Variants in OR4D9 observed in about 807,000 individuals in gnomAD.
OR4D9 encodes olfactory receptor 4D9.
Under a neutral mutation model 0.8 loss-of-function variants are expected in OR4D9, and 2 were observed. That is an observed-to-expected ratio of 2.58 (90% confidence interval 1.06 to 8.13). The LOEUF is 8.13. OR4D9 is among the 30% of genes most tolerant of loss of function. The probability of loss-of-function intolerance (pLI) is 0.04; values close to 1 mark genes in which losing one functional copy is unlikely to be tolerated. For synonymous variants in OR4D9, 146 were observed against 151.2 expected (o/e 0.97, Z 0.25); for missense variants, 399 against 384.7 (o/e 1.04, Z -0.31).
chr11:59,511,546 C>CATTAAA lies in OR4D9; in HGVS notation c.-325_-324insATTAAA, dbSNP rs1859328187. The CATTAAA allele has an allele frequency of 1.3e-5, 2 of 152,130 alleles. No homozygotes were observed. The highest frequency in any genetic ancestry group is 2.9e-5 in the Non-Finnish European group (2 of 68,006). The allele number at this position is 152,130 out of a possible 1,614,324, so 9.4% of individuals were successfully genotyped here. A position where few individuals can be genotyped will look rare whatever the true frequency, so the allele number is the denominator to read the frequency against. ...AGGCTTTACATTAAACAGAGAATTTCCCCAGTACCTACTTCTTCTAAAATG... is the reference window on the plus strand; with the variant it reads ...AGGCTTTACATTAAACAGAGAATTTCATTAAACCCAGTACCTACTTCTTCTAAAATG... On this transcript the variant is annotated 5_prime_UTR_variant, in exon 1 of 3. Transcript: ENST00000641962.
chr11:59,511,812 C>T (rs1859331290), intron 1 of OR4D9, 66 bp downstream of exon 1: 2 of 152,118 alleles, frequency 1.3e-5, no homozygotes, highest in South Asian at 4.1e-4. Flanking sequence ...GGTCAGTTGG[C>T]TTGGCTGTGT....
rs1026768214 is a variant in OR4D9, at chr11:59,518,417, C to G, written c.*2560C>G. 1 of 152,252 alleles carries G rather than the reference C, an allele frequency of 6.6e-6. No homozygotes were observed. The highest frequency in any genetic ancestry group is 2.4e-5 in the African/African-American group (1 of 41,462). The allele number at this position is 152,252 out of a possible 1,614,324, so 9.4% of individuals were successfully genotyped here. A position where few individuals can be genotyped will look rare whatever the true frequency, so the allele number is the denominator to read the frequency against. ...CTTCTCCCGTCTTGGGCTCCACATT[C>G]TCTAGATCCTCAGAATCCTGTCCAT... On this transcript the variant is annotated 3_prime_UTR_variant, in exon 3 of 3. Transcript: ENST00000641962.
intron 1 of OR4D9, among the ~76,000 whole-genome samples, chr11:59,512,566 G>GTAATCTCA (rs1212717924): frequency 6.6e-6 from 1 of 151,598 alleles, no homozygotes; most frequent in Non-Finnish European, 1.5e-5. Context: ...GCCCATGCCT[G>GTAATCTCA]TAATCTCAGC....
Position 59,515,541 on chromosome 11 carries a change from T to A in OR4D9, c.629T>A (p.Val210Glu), listed in dbSNP as rs1226818786. The A allele has an allele frequency of 6.2e-7, 1 of 1,614,058 alleles. No individual in the cohort carries two copies. The highest frequency in any genetic ancestry group is 8.5e-7 in the Non-Finnish European group (1 of 1,180,040). Residue 210 changes from valine (V) to glutamate (E), a missense_variant, in exon 3 of 3, where the codon GTA becomes GAA. By Grantham distance (121) the Val-to-Glu change is moderately radical. Transcript: ENST00000641962. Reference protein sequence around the residue: ...ISNNGLVSWFVFFFLLISYTV... With the variant: ...ISNNGLVSWFEFFFLLISYTV... ...AATAATGGGTTAGTCAGTTGGTTTGTATTCTTCTTTCTCCTCATATCTTAC... is the reference window on the plus strand; with the variant it reads ...AATAATGGGTTAGTCAGTTGGTTTGAATTCTTCTTTCTCCTCATATCTTAC...
rs1322590361 is a variant in OR4D9, at chr11:59,516,598, G to C, written c.*741G>C. 1 of 152,212 alleles carries C rather than the reference G, an allele frequency of 6.6e-6. No individual in the cohort carries two copies. The highest frequency in any genetic ancestry group is 1.5e-5 in the Non-Finnish European group (1 of 68,076). 9.4% of individuals were successfully genotyped at this position (152,212 alleles called of 1,614,324 possible). A position where few individuals can be genotyped will look rare whatever the true frequency, so the allele number is the denominator to read the frequency against. On this transcript the variant is annotated 3_prime_UTR_variant, in exon 3 of 3. Coordinates refer to ENST00000641962, the MANE Select transcript of OR4D9 (RefSeq NM_001004711.2). ...TAACAGCCAGTAGACATTTTCAAGG[G>C]GAAAAAGATCAGAAAAGAACAATCC...
chr11:59,513,792 G>C (rs1360144049), intron 1 of OR4D9, among the ~76,000 whole-genome samples: 1 of 151,826 alleles, frequency 6.6e-6, no homozygotes, highest in Non-Finnish European at 1.5e-5. Flanking sequence ...AATTATTCCA[G>C]CATAAAAAAA....
chr11:59,515,978 A>T lies in OR4D9; in HGVS notation c.*121A>T. The T allele has an allele frequency of 2.7e-6, 2 of 727,522 alleles. No individual in the cohort carries two copies. The highest frequency in any genetic ancestry group is 4.4e-6 in the Non-Finnish European group (2 of 453,888). The allele number at this position is 727,522 out of a possible 1,614,324, so 45.1% of individuals were successfully genotyped here. On this transcript the variant is annotated 3_prime_UTR_variant, in exon 3 of 3. Coordinates refer to ENST00000641962, the MANE Select transcript of OR4D9 (RefSeq NM_001004711.2). ...ATGGCCACCATCGAGTCCTAAAAGAAGTTATTCCATCATATATGTTGGGGA... is the reference window on the plus strand; with the variant it reads ...ATGGCCACCATCGAGTCCTAAAAGATGTTATTCCATCATATATGTTGGGGA...
At position 59,515,554 on chromosome 11, in the gene OR4D9, C is replaced by G; in HGVS notation, c.642C>G (p.Leu214=). 6.2e-7 allele frequency: 1 copy of G among 1,614,212 alleles called. No individual in the cohort carries two copies. The part of the protein sequence containing the change: ...GLVSWFVFFF[L]LISYTVILMM... ...TCAGTTGGTTTGTATTCTTCTTTCT[C>G]CTCATATCTTACACGGTCATCTTGA... Residue 214 remains leucine (L), a synonymous_variant, in exon 3 of 3, where the codon CTC becomes CTG. Transcript: ENST00000641962.
rs1266412624 is a variant in OR4D9, at chr11:59,517,574, G to T, written c.*1717G>T. On this transcript the variant is annotated 3_prime_UTR_variant, in exon 3 of 3. Transcript: ENST00000641962. Reference sequence around the variant, plus strand: ...TTGCCGGGCGCAGTGGCTCACGCCTGTAATCCCAGCACTTTGGGAGGCTGA... The same window carrying T: ...TTGCCGGGCGCAGTGGCTCACGCCTTTAATCCCAGCACTTTGGGAGGCTGA... 1 of 152,244 alleles carries T rather than the reference G, an allele frequency of 6.6e-6. No individual in the cohort carries two copies. The highest frequency in any genetic ancestry group is 1.5e-5 in the Non-Finnish European group (1 of 68,074). 9.4% of individuals were successfully genotyped at this position (152,244 alleles called of 1,614,324 possible).
At chr11:59,512,031 C>T (rs757031296) in intron 1 of OR4D9, among the ~76,000 whole-genome samples, 1 of 152,062 alleles carries the variant, frequency 6.6e-6, no homozygotes, top group African/African-American at 2.4e-5. Context: ...ATTATCTGTG[C>T]CTTCATGTAC....
Position 59,515,584 on chromosome 11 carries a change from G to C in OR4D9, c.672G>C (p.Met224Ile). 6.2e-7 allele frequency: 1 copy of C among 1,614,114 alleles called. No homozygotes were observed. The highest frequency in any genetic ancestry group is 8.5e-7 in the Non-Finnish European group (1 of 1,180,022). Reference protein sequence around the residue: ...LLISYTVILMMLRSHTGEGRR... With the variant: ...LLISYTVILMILRSHTGEGRR... Reference sequence around the variant, plus strand: ...TATCTTACACGGTCATCTTGATGATGCTGAGGTCTCACACTGGGGAAGGCA... The same window carrying C: ...TATCTTACACGGTCATCTTGATGATCCTGAGGTCTCACACTGGGGAAGGCA... Residue 224 changes from methionine to isoleucine, a missense_variant, in exon 3 of 3, where the codon ATG becomes ATC. Physicochemically the swap from Met to Ile is conservative, Grantham distance 10 (BLOSUM62 1). Transcript: ENST00000641962.
rs1859443768 is a variant in OR4D9, at chr11:59,519,243, C to T, written c.*3386C>T. 1 of 151,914 alleles carries T rather than the reference C, an allele frequency of 6.6e-6. No homozygotes were observed. Among genetic ancestry groups the T allele is most frequent in the Non-Finnish European group, 1.5e-5 (1 of 68,078 alleles). The allele number at this position is 151,914 out of a possible 1,614,324, so 9.4% of individuals were successfully genotyped here. ...TGGCACACGCCTGTAGTCCTAGCTA[C>T]TCAGGAGACTGAGCTGGGAGGATCA... On this transcript the variant is annotated 3_prime_UTR_variant, in exon 3 of 3. Transcript: ENST00000641962.
Position 59,515,315 on chromosome 11 carries a change from A to G in OR4D9, c.403A>G (p.Ile135Val). Residue 135 changes from isoleucine (I) to valine (V), a missense_variant, in exon 3 of 3, where the codon ATC becomes GTC. Coordinates refer to ENST00000641962, the MANE Select transcript of OR4D9 (RefSeq NM_001004711.2). Reference protein sequence around the residue: ...AISKPLHYMTIMSRGRCTGLI... With the variant: ...AISKPLHYMTVMSRGRCTGLI... ...CTCCAAGCCCCTGCACTATATGACC[A>G]TCATGAGTAGGGGGCGATGCACAGG... 1 of 1,613,404 alleles carries G rather than the reference A, an allele frequency of 6.2e-7. No individual in the cohort carries two copies. The highest frequency in any genetic ancestry group is 8.5e-7 in the Non-Finnish European group (1 of 1,179,750).
rs749963816 is a variant in OR4D9, at chr11:59,515,498, G to T, written c.586G>T (p.Glu196Ter). The T allele has an allele frequency of 3.7e-6, 6 of 1,614,100 alleles. No homozygotes were observed. The South Asian group carries it at 6.6e-5, about 18-fold the overall frequency. ...KLACTDTFTL[E>*]LLMISNNGLV... ...TGCCTGCACTGACACCTTCACTCTGGAGCTCCTGATGATTTCAAATAATGG... is the reference window on the plus strand; with the variant it reads ...TGCCTGCACTGACACCTTCACTCTGTAGCTCCTGATGATTTCAAATAATGG... Residue 196 changes from glutamate to a stop codon, truncating the protein, a stop_gained, in exon 3 of 3, where the codon GAG (glutamate) becomes TAG (stop). Coordinates refer to ENST00000641962, the MANE Select transcript of OR4D9 (RefSeq NM_001004711.2). LOFTEE classifies it low-confidence loss of function (END_TRUNC).
chr11:59,515,527 AG>A lies in OR4D9; in HGVS notation c.616del (p.Val206SerfsTer17). 1 of 1,614,138 alleles carries A rather than the reference AG, an allele frequency of 6.2e-7. No homozygotes were observed. The highest frequency in any genetic ancestry group is 2.2e-5 in the East Asian group (1 of 44,878). On this transcript the variant is annotated frameshift_variant, in exon 3 of 3. Coordinates refer to ENST00000641962, the MANE Select transcript of OR4D9 (RefSeq NM_001004711.2). LOFTEE classifies it low-confidence loss of function (END_TRUNC). ...TCCTGATGATTTCAAATAATGGGTTAGTCAGTTGGTTTGTATTCTTCTTTCT... is the reference window on the plus strand; with the variant it reads ...TCCTGATGATTTCAAATAATGGGTTATCAGTTGGTTTGTATTCTTCTTTCT... Reference protein sequence around the residue: ...ELLMISNNGLVSWFVFFFLLI... With the variant: ...ELLMISNNGLXSWFVFFFLLI...
At chr11:59,512,655 CT>C (rs1179446879) in intron 1 of OR4D9, among the ~76,000 whole-genome samples, 1 of 115,988 alleles carries the variant, frequency 8.6e-6, no homozygotes. Context: ...GAAACTCAGT[CT>C]TTTTGTAAAA....
Position 59,515,426 on chromosome 11 carries a change from A to C in OR4D9, c.514A>C (p.Asn172His). Residue 172 changes from asparagine to histidine, a missense_variant, in exon 3 of 3, where the codon AAT (asparagine) becomes CAT (histidine). Coordinates refer to ENST00000641962, the MANE Select transcript of OR4D9 (RefSeq NM_001004711.2). ...GCTCCCACTCCCTTTCTGTGGACCC[A>C]ATGTTCTTGACACTTTCTACTGCGA... ...LLLPLPFCGP[N>H]VLDTFYCDVP... The C allele has an allele frequency of 6.2e-7, 1 of 1,613,964 alleles. No individual in the cohort carries two copies. Among genetic ancestry groups the C allele is most frequent in the Non-Finnish European group, 8.5e-7 (1 of 1,179,896 alleles).
At chr11:59,514,210 A>G (rs1416255416) in intron 1 of OR4D9, among the ~76,000 whole-genome samples, 1 of 152,246 alleles carries the variant, frequency 6.6e-6, no homozygotes, top group African/African-American at 2.4e-5. Flanking sequence ...CAAAGTGGTT[A>G]TACCAATTTT....
In OR4D9 at chr11:59,518,701, T is replaced by A. The variant is rs1400866344; in HGVS notation, c.*2844T>A. On this transcript the variant is annotated 3_prime_UTR_variant, in exon 3 of 3. Transcript: ENST00000641962. ...CTCACCTGAACATGCTCATGCTGTC[T>A]TATGCTCCACAGTCTCTAGATCCTC... The A allele has an allele frequency of 6.6e-6, 1 of 152,194 alleles. No homozygotes were observed. Among genetic ancestry groups the A allele is most frequent in the Non-Finnish European group, 1.5e-5 (1 of 68,054 alleles). The allele number at this position is 152,194 out of a possible 1,614,324, so 9.4% of individuals were successfully genotyped here. A position where few individuals can be genotyped will look rare whatever the true frequency, so the allele number is the denominator to read the frequency against.
Sources: allele counts gnomAD v4.1 joint callset (sites outside exome capture counted in the v4.1 genomes callset), GRCh38; gene constraint gnomAD v4.1.1; transcripts MANE v1.5; gene names NCBI Gene and HGNC (gene_info 2026-07-23, HGNC 2026-07-21).